The following PIAS1 variants were observed in gnomAD, a reference collection of about 807,000 sequenced individuals.
The protein encoded by PIAS1 is E3 SUMO-protein ligase PIAS1.
PIAS1 carries 6 observed loss-of-function variants against 71.3 expected under a neutral mutation model. That is an observed-to-expected ratio of 0.08 (90% CI 0.05 to 0.17). The LOEUF is 0.17. Among genes scored for constraint, PIAS1 ranks in the 10% least tolerant of loss-of-function variants. PIAS1 has a pLI of 1.00. For missense variants in PIAS1, 555 were observed against 793.6 expected, an observed-to-expected ratio of 0.70 and a Z score of 3.61; for synonymous variants, 303 against 292.9, an observed-to-expected ratio of 1.03 and a Z score of -0.35.
chr15:68,086,308 A>G lies in PIAS1; in HGVS notation c.27A>G (p.Gln9=). The G allele has an allele frequency of 6.4e-7, 1 of 1,574,618 alleles. No individual in the cohort carries two copies. Among genetic ancestry groups the G allele is most frequent in the Non-Finnish European group, 8.6e-7 (1 of 1,159,934 alleles). The change falls in exon 2 of 14, where the codon CAA becomes CAG. Residue 9 remains glutamine, a splice_region_variant and synonymous_variant. Transcript: ENST00000249636. This position sits in a 1 kb window ranked among gnomAD's most constrained non-coding sequence, Gnocchi z 7.2. ...TTACATTTTGTTTTTTCTCTAAGCA[A>G]ATGGTTATGAGCCTTAGAGTTTCTG... MADSAELK[Q]MVMSLRVSEL...
intron 2 of PIAS1, among the ~76,000 whole-genome samples, chr15:68,116,784 T>C (rs989940615): frequency 2.0e-5 from 3 of 152,168 alleles, no homozygotes; most frequent in African/African-American, 7.2e-5. Context: ...GTTTTCATTT[T>C]CATTCAGTTC....
rs2093100110 is a variant in PIAS1 at position 68,188,098 on chromosome 15, A to G, written c.*263A>G. On this transcript the variant is annotated 3_prime_UTR_variant, in exon 14 of 14. Coordinates refer to ENST00000249636, the MANE Select transcript of PIAS1 (RefSeq NM_016166.3). ...AAAGGAAAGAAAAGAAAAAAGAAAA[A>G]CAAGCACCCACAAACCACCTTCAGT... is the stretch of plus-strand genomic sequence containing the variant. 7.8e-6 allele frequency: 2 copies of G among 257,992 alleles called. No individual in the cohort carries two copies. The highest frequency in any genetic ancestry group is 4.5e-5 in the African/African-American group (2 of 44,636). 16.0% of individuals were successfully genotyped at this position (257,992 alleles called of 1,614,324 possible).
intron 2 of PIAS1, among the ~76,000 whole-genome samples, chr15:68,121,368 T>G (rs1595742149): frequency 6.6e-6 from 1 of 151,972 alleles, no homozygotes; most frequent in African/African-American, 2.4e-5. Context: ...TGTATGCTGT[T>G]CTATATATTT....
chr15:68,141,895 T>C (rs1432980047), intron 2 of PIAS1, 51 bp from the exon 3 acceptor site: 2 of 1,191,612 alleles, frequency 1.7e-6, no homozygotes, highest in Non-Finnish European at 2.4e-6. Context: ...TGCTTTTGTC[T>C]TTACTGGCGA....
intron 9 of PIAS1, among the ~76,000 whole-genome samples, chr15:68,175,254 T>C (rs2093014219): frequency 6.6e-6 from 1 of 152,224 alleles, no homozygotes; most frequent in African/African-American, 2.4e-5. Flanking sequence ...GTATATGTTT[T>C]GCTTTAGTTT....
chr15:68,165,850 T>G (rs1464151), intron 8 of PIAS1, among the ~76,000 whole-genome samples: 151,264 of 152,176 alleles, frequency 0.99, 75,189 homozygotes, highest in Middle Eastern at 1. Flanking sequence ...ATTTTAAATT[T>G]GGGAGAAAGA....
At chr15:68,059,463 G>A (rs1202315671) in intron 1 of PIAS1, among the ~76,000 whole-genome samples, 4 of 151,832 alleles carry the variant, frequency 2.6e-5, no homozygotes, top group African/African-American at 9.7e-5. Context: ...TGTAATACCA[G>A]CACCTTGGGA....
intron 2 of PIAS1, among the ~76,000 whole-genome samples, chr15:68,119,237 CAAA>C (rs60879036): frequency 1.8e-4 from 5 of 27,408 alleles, no homozygotes; most frequent in Non-Finnish European, 3.0e-4. Context: ...CCATCTCTAC[CAAA>C]AAAAAAAAAA....
At chr15:68,147,258 T>C (rs1567063458) in intron 6 of PIAS1, among the ~76,000 whole-genome samples, 2 of 152,242 alleles carry the variant, frequency 1.3e-5, no homozygotes, top group Admixed American at 6.5e-5. Flanking sequence ...GCGTGCTCGT[T>C]AACACTATTA....
chr15:68,130,440 T>C (rs1350223004), intron 2 of PIAS1, among the ~76,000 whole-genome samples: 1 of 151,976 alleles, frequency 6.6e-6, no homozygotes, highest in African/African-American at 2.4e-5. Flanking sequence ...TTTTTCTACA[T>C]GTATATGCAG....
At chr15:68,082,659 A>T (rs1013806540) in intron 1 of PIAS1, among the ~76,000 whole-genome samples, 3 of 152,158 alleles carry the variant, frequency 2.0e-5, no homozygotes, top group Non-Finnish European at 4.4e-5. Flanking sequence ...ACCAAAAATT[A>T]TGATAGAAAG....
intron 2 of PIAS1, among the ~76,000 whole-genome samples, chr15:68,101,174 A>T (rs1346324855): frequency 6.6e-6 from 1 of 152,140 alleles, no homozygotes; most frequent in Non-Finnish European, 1.5e-5. Context: ...TGCTAGGATT[A>T]CAGGTGTGAG....
chr15:68,123,291 G>T (rs557050010), intron 2 of PIAS1, among the ~76,000 whole-genome samples: 1 of 152,168 alleles, frequency 6.6e-6, no homozygotes, highest in African/African-American at 2.4e-5. Context: ...GCGTCAAGCA[G>T]TCCTCCTGCC....
At chr15:68,107,380 A>G (rs562366545) in intron 2 of PIAS1, among the ~76,000 whole-genome samples, 2 of 152,184 alleles carry the variant, frequency 1.3e-5, no homozygotes, top group Non-Finnish European at 2.9e-5. Context: ...CTTAGGGGAA[A>G]GTGACCATAA....
chr15:68,113,555 G>A (rs547895014), intron 2 of PIAS1, among the ~76,000 whole-genome samples: 1 of 152,210 alleles, frequency 6.6e-6, no homozygotes, highest in South Asian at 2.1e-4. Flanking sequence ...CAGATAAAGT[G>A]TATTTACCAT....
At chr15:68,131,516 A>T (rs940500931) in intron 2 of PIAS1, among the ~76,000 whole-genome samples, 3 of 152,004 alleles carry the variant, frequency 2.0e-5, no homozygotes, top group Non-Finnish European at 2.9e-5. Context: ...TTCTAACCAT[A>T]TCTGGTAACC....
At chr15:68,060,849 A>C (rs978365391) in intron 1 of PIAS1, among the ~76,000 whole-genome samples, 1 of 152,092 alleles carries the variant, frequency 6.6e-6, no homozygotes, top group African/African-American at 2.4e-5. Flanking sequence ...GCGCCCAGCT[A>C]ATTTTTGTAT....
intron 7 of PIAS1, among the ~76,000 whole-genome samples, chr15:68,163,296 T>C (rs2092936881): frequency 6.6e-6 from 1 of 152,260 alleles, no homozygotes; most frequent in Non-Finnish European, 1.5e-5. Flanking sequence ...ATGGTATTCA[T>C]TAGCATAGTG....
chr15:68,070,177 TC>T (rs1356178945), intron 1 of PIAS1, among the ~76,000 whole-genome samples: 3 of 152,182 alleles, frequency 2.0e-5, no homozygotes, highest in African/African-American at 7.2e-5. Flanking sequence ...ATAACATCCA[TC>T]TGCATGAGTG....
Sources: gnomAD v4.1 joint callset for allele counts (sites outside exome capture counted in the v4.1 genomes callset) on GRCh38, gnomAD v4.1.1 for gene constraint, Gnocchi (gnomAD v3.1) non-coding constraint, MANE v1.5 for transcripts, NCBI Gene and HGNC (gene_info 2026-07-23, HGNC 2026-07-21) for gene names.